Variants in PPP2R2C observed in about 807,000 individuals in gnomAD.
PPP2R2C encodes protein phosphatase 2, regulatory subunit B, gamma.
Under a neutral mutation model 45.3 loss-of-function variants are expected in PPP2R2C, and 10 were observed. The observed-to-expected ratio is 0.22, with a 90% CI of 0.14 to 0.37. PPP2R2C has a LOEUF of 0.37. Ranked by LOEUF, PPP2R2C falls within the 10% of genes least tolerant of loss-of-function variation. The pLI, the probability that PPP2R2C is intolerant of heterozygous loss-of-function variation, is 1.00. For synonymous variants in PPP2R2C, 257 were observed against 245.4 expected (o/e 1.05, Z -0.44); for missense variants, 308 against 619.7 (o/e 0.50, Z 5.34).
chr4:6,335,044 G>A (rs1732736639), intron 6 of PPP2R2C, among the ~76,000 whole-genome samples: 2 of 152,236 alleles, frequency 1.3e-5, no homozygotes, highest in South Asian at 4.1e-4. Flanking sequence ...CCCCTCTGCA[G>A]GGCCCACTGG....
chr4:6,395,651 G>A (rs936490152), intron 1 of PPP2R2C, among the ~76,000 whole-genome samples: 4 of 152,196 alleles, frequency 2.6e-5, no homozygotes, highest in Non-Finnish European at 5.9e-5. Flanking sequence ...GCTGTGGTAT[G>A]CCAAGGGCGC....
In PPP2R2C at chr4:6,329,803, G is replaced by A. The variant is rs571255487; in HGVS notation, c.961-450C>T. 6.6e-6 allele frequency among the ~76,000 whole-genome samples: 1 copy of A among 152,324 alleles called. No individual in the cohort carries two copies. Among genetic ancestry groups the A allele is most frequent in the South Asian group, 2.1e-4 (1 of 4,826 alleles). ...CAGCACAGGGGCCAGGACCACCTGGGGTCCAGATCCTGGCTCTGCCCTCCC... is the reference window on the plus strand; with the variant it reads ...CAGCACAGGGGCCAGGACCACCTGGAGTCCAGATCCTGGCTCTGCCCTCCC... On this transcript the variant is annotated intron_variant, in intron 7 of 8. Coordinates refer to ENST00000382599, the MANE Select transcript of PPP2R2C (RefSeq NM_020416.4). This position sits in a 1 kb window ranked among gnomAD's most constrained non-coding sequence, Gnocchi z 5.8.
chr4:6,374,494 A>G (rs1452502084), intron 4 of PPP2R2C, among the ~76,000 whole-genome samples: 1 of 152,226 alleles, frequency 6.6e-6, no homozygotes, highest in African/African-American at 2.4e-5. Context: ...ACAGTGTCGG[A>G]TCCAAAAGGC....
intron 1 of PPP2R2C, among the ~76,000 whole-genome samples, chr4:6,452,543 C>A (rs573035844): frequency 8.5e-5 from 13 of 152,346 alleles, no homozygotes; most frequent in Non-Finnish European, 1.8e-4. Context: ...AACTGAGGCC[C>A]AGAGGGCTGT....
At chr4:6,512,554 ATGGTGG>A (rs1184706259) in intron 2 of PPP2R2C, among the ~76,000 whole-genome samples, 1 of 33,984 alleles carries the variant, frequency 2.9e-5, no homozygotes, top group East Asian at 1.7e-3. Context: ...GATGGTGGTG[ATGGTGG>A]TGGTGGTGGT....
Position 6,487,223 on chromosome 4 carries a change from G to A in PPP2R2C, c.49+48048C>T, listed in dbSNP as rs557331591. 3.9e-5 allele frequency among the ~76,000 whole-genome samples: 6 copies of A among 151,906 alleles called. No individual in the cohort carries two copies. The South Asian group carries it at 1.2e-3, about 32-fold the overall frequency. On this transcript the variant is annotated intron_variant, in intron 2 of 9. Transcript: ENST00000506140. ...TCACACTACATGGTTATTATTTTGT[G>A]TCAAGAGCCAATTATACTTTAAAGA...
rs182865885 is a variant in PPP2R2C at position 6,412,184 on chromosome 4, G to A, written c.71-31090C>T. Reference sequence around the variant, plus strand: ...AGTCAGTTTTGATGGCATCATAATAGTTTAAAAAGACCTTCTCTTAATGAC... The same window carrying A: ...AGTCAGTTTTGATGGCATCATAATAATTTAAAAAGACCTTCTCTTAATGAC... On this transcript the variant is annotated intron_variant, in intron 1 of 8. Transcript: ENST00000382599. Among the ~76,000 whole-genome samples the A allele has an allele frequency of 2.7e-3, 410 of 152,320 alleles. 1 individual carries two copies. The highest frequency in any genetic ancestry group is 9.6e-3 in the African/African-American group (400 of 41,570).
chr4:6,338,371 G>A (rs896107797), intron 6 of PPP2R2C, among the ~76,000 whole-genome samples: 2 of 152,236 alleles, frequency 1.3e-5, no homozygotes, highest in Non-Finnish European at 2.9e-5. Flanking sequence ...GTGTTGCACG[G>A]TGTTGTGGCC....
chr4:6,335,082 C>A (rs1050729524), intron 6 of PPP2R2C, among the ~76,000 whole-genome samples: 10 of 152,222 alleles, frequency 6.6e-5, no homozygotes, highest in Non-Finnish European at 1.0e-4. Context: ...TTCATTCATT[C>A]ATTCATTTAT....
intron 2 of PPP2R2C, among the ~76,000 whole-genome samples, chr4:6,495,209 CTCTGCCACTCGCATG>C (rs997690874): frequency 2.0e-5 from 3 of 152,378 alleles, no homozygotes; most frequent in African/African-American, 7.2e-5. Flanking sequence ...GCCTGGTCCA[CTCTGCCACTCGCATG>C]TCTGCCACAC....
At chr4:6,431,468 G>A (rs772641362) in intron 1 of PPP2R2C, among the ~76,000 whole-genome samples, 11 of 152,306 alleles carry the variant, frequency 7.2e-5, no homozygotes, top group Middle Eastern at 3.4e-3. Flanking sequence ...CCAGAAGTCT[G>A]GAGAGCCCAG....
intron 2 of PPP2R2C, among the ~76,000 whole-genome samples, chr4:6,516,803 T>G (rs916911903): frequency 2.0e-5 from 3 of 152,152 alleles, no homozygotes; most frequent in Admixed American, 6.5e-5. Flanking sequence ...ATATAAACAG[T>G]TGGCGCAATG....
chr4:6,422,576 T>C (rs537987965), intron 1 of PPP2R2C, among the ~76,000 whole-genome samples: 1 of 152,188 alleles, frequency 6.6e-6, no homozygotes. Context: ...GATCAAGGTG[T>C]CAGCAGGATG....
chr4:6,383,520 G>C, intron 1 of PPP2R2C: 2 of 957,522 alleles, frequency 2.1e-6, no homozygotes, highest in Non-Finnish European at 2.9e-6. Flanking sequence ...TGCTCTCTCG[G>C]CCTGCAGTGG....
At chr4:6,333,414 A>G (rs1732573591) in intron 7 of PPP2R2C, 148 bp downstream of exon 7, 15 of 891,050 alleles carry the variant, frequency 1.7e-5, no homozygotes, top group Non-Finnish European at 2.5e-5. Context: ...ACGTGTGGGG[A>G]TGAGTTGCTG....
chr4:6,327,637 G>C (rs1475356586), intron 8 of PPP2R2C, among the ~76,000 whole-genome samples: 1 of 152,240 alleles, frequency 6.6e-6, no homozygotes, highest in African/African-American at 2.4e-5. Flanking sequence ...CAGCAGCATG[G>C]GAGGAGCCCT....
chr4:6,479,549 T>G (rs1005173913), intron 2 of PPP2R2C, among the ~76,000 whole-genome samples: 1 of 152,140 alleles, frequency 6.6e-6, no homozygotes, highest in Non-Finnish European at 1.5e-5. Context: ...CCCAACACCC[T>G]CAAGGTTAGT....
intron 5 of PPP2R2C, among the ~76,000 whole-genome samples, chr4:6,369,618 C>T (rs1714636999): frequency 6.6e-6 from 1 of 152,210 alleles, no homozygotes; most frequent in Non-Finnish European, 1.5e-5. Context: ...CTGCCTGCAC[C>T]ATCCACAGTG....
intron 2 of PPP2R2C, among the ~76,000 whole-genome samples, chr4:6,526,556 G>A (rs532497766): frequency 3.9e-5 from 6 of 152,234 alleles, no homozygotes; most frequent in Non-Finnish European, 8.8e-5. Flanking sequence ...AAGAAAAGAA[G>A]AGGGGGTGGT....
Sources: allele counts gnomAD v4.1 joint callset (sites outside exome capture counted in the v4.1 genomes callset), GRCh38; gene constraint gnomAD v4.1.1; non-coding constraint Gnocchi (gnomAD v3.1); transcripts MANE v1.5; gene names NCBI Gene and HGNC (gene_info 2026-07-23, HGNC 2026-07-21).